The following MFN1 variants were observed in gnomAD, a reference collection of about 807,000 sequenced individuals.
The protein encoded by MFN1 is mitofusin 1.
A neutral mutation model predicts 92.4 loss-of-function variants in MFN1; 65 were observed. That is an observed-to-expected ratio of 0.70 (90% CI 0.58 to 0.86). The LOEUF is 0.86. Among genes scored for constraint, MFN1 ranks in the 40% least tolerant of loss-of-function variants. The pLI is 0.00. For missense variants in MFN1, 781 were observed against 868.0 expected, an observed-to-expected ratio of 0.90 and a Z score of 1.26; for synonymous variants, 297 against 300.9, an observed-to-expected ratio of 0.99 and a Z score of 0.13.
chr3:179,352,145 C>T, intron 3 of MFN1, 110 bp downstream of exon 3: 2 of 1,184,648 alleles, frequency 1.7e-6, no homozygotes, highest in Non-Finnish European at 1.2e-6. Context: ...AAGTTTCTGC[C>T]TGTGTTGAAT....
At chr3:179,384,591 C>G (rs1713599621) in intron 14 of MFN1, among the ~76,000 whole-genome samples, 1 of 152,178 alleles carries the variant, frequency 6.6e-6, no homozygotes. Context: ...TTTTTTGAGA[C>G]AAGGACTTGC....
At chr3:179,381,096 A>G (rs1208220427) in intron 14 of MFN1, among the ~76,000 whole-genome samples, 1 of 152,250 alleles carries the variant, frequency 6.6e-6, no homozygotes, top group East Asian at 1.9e-4. Context: ...GATTATGATA[A>G]TGGTGATAAT....
At chr3:179,391,575 C>T (rs1215881626) in intron 17 of MFN1, among the ~76,000 whole-genome samples, 1 of 152,038 alleles carries the variant, frequency 6.6e-6, no homozygotes, top group African/African-American at 2.4e-5. Flanking sequence ...GAGAGAGAGC[C>T]CACTCAATGA....
chr3:179,372,722 C>CT (rs1462586978), intron 9 of MFN1, among the ~76,000 whole-genome samples: 9 of 152,148 alleles, frequency 5.9e-5, no homozygotes, highest in African/African-American at 1.9e-4. Context: ...TCGTCTAGCT[C>CT]TAACACTGTG....
rs1266260534 is a variant in MFN1 at position 179,392,654 on chromosome 3, G to T, written c.*595G>T. ...AAAGGCTTGTTATAGTCACTTATAA[G>T]TATCTGGGTCTAAGTAATTTCCTTA... On this transcript the variant is annotated 3_prime_UTR_variant, in exon 18 of 18. Coordinates refer to ENST00000471841, the MANE Select transcript of MFN1 (RefSeq NM_033540.3). 3.3e-5 allele frequency: 5 copies of T among 152,204 alleles called. No individual in the cohort carries two copies. The East Asian group carries it at 9.6e-4, about 29-fold the overall frequency. 9.4% of individuals were successfully genotyped at this position (152,204 alleles called of 1,614,324 possible).
At chr3:179,370,342 G>A (rs1712971105) in intron 9 of MFN1, among the ~76,000 whole-genome samples, 1 of 141,016 alleles carries the variant, frequency 7.1e-6, no homozygotes, top group Non-Finnish European at 1.5e-5. Context: ...CAGCTCTTAT[G>A]TAATTTATCA....
In MFN1 at chr3:179,392,035, A is replaced by G. The variant is rs1359306192; in HGVS notation, c.2202A>G (p.Leu734=). The change falls in exon 18 of 18, where the codon CTA becomes CTG. Residue 734 remains leucine (L), a synonymous_variant. Coordinates refer to ENST00000471841, the MANE Select transcript of MFN1 (RefSeq NM_033540.3). ...NELENFTKQF[L]PSSNEES is the part of the protein sequence containing the mutation. ...TGGAGAATTTTACTAAGCAGTTTCTACCTTCAAGCAATGAAGAATCCTAAC... is the reference window on the plus strand; with the variant it reads ...TGGAGAATTTTACTAAGCAGTTTCTGCCTTCAAGCAATGAAGAATCCTAAC... 1.2e-6 allele frequency: 2 copies of G among 1,611,194 alleles called. No homozygotes were observed. Among genetic ancestry groups the G allele is most frequent in the East Asian group, 4.5e-5 (2 of 44,782 alleles).
chr3:179,349,875 G>A (rs925914986), intron 2 of MFN1, among the ~76,000 whole-genome samples: 1 of 151,986 alleles, frequency 6.6e-6, no homozygotes, highest in African/African-American at 2.4e-5. Flanking sequence ...CTCTCGGCCA[G>A]GCGCCCTGAC....
chr3:179,386,387 A>AG, intron 15 of MFN1, 46 bp from the exon 16 acceptor site: 1 of 1,484,122 alleles, frequency 6.7e-7, no homozygotes, highest in Non-Finnish European at 9.3e-7. Flanking sequence ...TACTCTCCAA[A>AG]GTGGTGTTTT....
In MFN1 at chr3:179,392,272, G is replaced by C. The variant is rs544475598; in HGVS notation, c.*213G>C. ...AGTTTTAATTTTGAGTAAAGAAAAG[G>C]CTAAAATCATGAATTAGTTACAAGC... On this transcript the variant is annotated 3_prime_UTR_variant, in exon 18 of 18. Coordinates refer to ENST00000471841, the MANE Select transcript of MFN1 (RefSeq NM_033540.3). The C allele has an allele frequency of 3.0e-4, 114 of 375,884 alleles. No homozygotes were observed. Among genetic ancestry groups the C allele is most frequent in the African/African-American group, 2.2e-3 (105 of 47,970 alleles). 23.3% of individuals were successfully genotyped at this position (375,884 alleles called of 1,614,324 possible).
chr3:179,357,868 T>C (rs1415583886), intron 3 of MFN1, among the ~76,000 whole-genome samples: 2 of 152,178 alleles, frequency 1.3e-5, no homozygotes, highest in Admixed American at 6.5e-5. Context: ...TGAGAAGATG[T>C]GAAGATTGGG....
At chr3:179,363,520 C>T (rs1175201091) in intron 5 of MFN1, among the ~76,000 whole-genome samples, 3 of 150,834 alleles carry the variant, frequency 2.0e-5, no homozygotes, top group African/African-American at 7.3e-5. Context: ...GAGGCAGGGT[C>T]TTGCTGTGTT....
intron 9 of MFN1, among the ~76,000 whole-genome samples, chr3:179,370,536 C>G (rs1712984127): frequency 6.6e-6 from 1 of 151,854 alleles, no homozygotes; most frequent in Non-Finnish European, 1.5e-5. Flanking sequence ...CTCAGCTTCC[C>G]TAGTAGCTGG....
chr3:179,359,443 CTG>C (rs1277700316), intron 4 of MFN1, among the ~76,000 whole-genome samples: 42 of 117,824 alleles, frequency 3.6e-4, no homozygotes, highest in Admixed American at 5.6e-4. Flanking sequence ...TTTTTTGACA[CTG>C]AGTCTCACTC....
intron 3 of MFN1, among the ~76,000 whole-genome samples, chr3:179,353,050 C>T (rs1301527223): frequency 3.4e-5 from 5 of 145,378 alleles, no homozygotes; most frequent in Non-Finnish European, 7.5e-5. Flanking sequence ...CCGCATCCAG[C>T]CTAAATTTTT....
At chr3:179,390,939 TTCA>T (rs1713875597) in intron 17 of MFN1, among the ~76,000 whole-genome samples, 1 of 152,180 alleles carries the variant, frequency 6.6e-6, no homozygotes. Flanking sequence ...CCATAGTGTC[TTCA>T]TCTGACCAAC....
intron 4 of MFN1, among the ~76,000 whole-genome samples, chr3:179,361,961 A>G (rs1033667229): frequency 4.6e-5 from 7 of 152,254 alleles, no homozygotes; most frequent in Middle Eastern, 3.4e-3. Flanking sequence ...ATTCCTTTCT[A>G]TGGGGTGTTA....
Position 179,392,181 on chromosome 3 carries a change from C to A in MFN1, c.*122C>A. On this transcript the variant is annotated 3_prime_UTR_variant, in exon 18 of 18. Coordinates refer to ENST00000471841, the MANE Select transcript of MFN1 (RefSeq NM_033540.3). The stretch of plus-strand genomic sequence containing the variant: ...TACTAACTGTACCTAAATAGCAAAG[C>A]CCTGTGTAGATTCTGGTAATGATCT... 1 of 633,688 alleles carries A rather than the reference C, an allele frequency of 1.6e-6. No individual in the cohort carries two copies. Among genetic ancestry groups the A allele is most frequent in the Non-Finnish European group, 2.8e-6 (1 of 359,254 alleles). 39.3% of individuals were successfully genotyped at this position (633,688 alleles called of 1,614,324 possible).
intron 12 of MFN1, among the ~76,000 whole-genome samples, chr3:179,378,002 G>A (rs1245466984): frequency 1.3e-5 from 2 of 152,130 alleles, no homozygotes; most frequent in African/African-American, 4.8e-5. Context: ...AGAAGTGGCA[G>A]TGAGCCAAGA....
Sources: allele counts gnomAD v4.1 joint callset (sites outside exome capture counted in the v4.1 genomes callset), GRCh38; gene constraint gnomAD v4.1.1; transcripts MANE v1.5; gene names NCBI Gene and HGNC (gene_info 2026-07-23, HGNC 2026-07-21).